Variants in PCDHA3 observed in about 807,000 individuals in gnomAD.
PCDHA3 encodes protocadherin alpha 3.
Under a neutral mutation model 62.2 loss-of-function variants are expected in PCDHA3, and 41 were observed. The observed-to-expected ratio is 0.66, with a 90% CI of 0.51 to 0.86. The LOEUF (loss-of-function observed/expected upper bound fraction) is 0.86, where lower values mean the gene tolerates loss of function less well. Ranked by LOEUF, PCDHA3 falls within the 40% of genes least tolerant of loss-of-function variation. The pLI, the probability that PCDHA3 is intolerant of heterozygous loss-of-function variation, is 0.00. For missense variants in PCDHA3, 1,304 were observed against 1,241.2 expected (o/e 1.05, Z -0.76); for synonymous variants, 640 against 555.4 (o/e 1.15, Z -2.14).
Position 140,842,571 on chromosome 5 carries a change from G to A in PCDHA3, c.2394+38980G>A, listed in dbSNP as rs2150339476. The A allele has an allele frequency of 9.3e-6, 14 of 1,508,304 alleles. No individual in the cohort carries two copies. Among genetic ancestry groups the A allele is most frequent in the Non-Finnish European group, 1.2e-5 (13 of 1,110,420 alleles). The allele number at this position is 1,508,304 out of a possible 1,614,324, so 93.4% of individuals were successfully genotyped here. On this transcript the variant is annotated intron_variant, in intron 1 of 3. Coordinates refer to ENST00000522353, the MANE Select transcript of PCDHA3 (RefSeq NM_018906.3). ...CTGGACAGCGCCCTGGACCGCGAGA[G>A]AGTGTCGGCCTATGAGTTGGTGGTA...
intron 1 of PCDHA3, chr5:140,882,695 G>T: frequency 6.2e-7 from 1 of 1,614,192 alleles, no homozygotes; most frequent in Non-Finnish European, 8.5e-7. Flanking sequence ...AATAATCATT[G>T]CAGAATCTAG....
chr5:140,995,529 C>G (rs1191657600), intron 3 of PCDHA3, among the ~76,000 whole-genome samples: 1 of 152,078 alleles, frequency 6.6e-6, no homozygotes, highest in East Asian at 1.9e-4. Flanking sequence ...GAAATCAAAC[C>G]TCAAATAAGG....
chr5:140,848,597 C>G lies in PCDHA3; in HGVS notation c.2394+45006C>G, dbSNP rs151001396. 6,374 of 1,580,604 alleles carry G rather than the reference C, an allele frequency of 4.0e-3. 857 individuals carry two copies. Among genetic ancestry groups the G allele is most frequent in the South Asian group, 0.012 (1,061 of 88,252 alleles). On this transcript the variant is annotated intron_variant, in intron 1 of 3. Transcript: ENST00000522353. ...TGGGGAGCGGCCAGCTCCACTACTC[C>G]GTCCCGGAGGAAGCCGAACACGGCA...
At chr5:140,854,262 A>G in intron 1 of PCDHA3, 1 of 592,128 alleles carries the variant, frequency 1.7e-6, no homozygotes, top group South Asian at 7.2e-5. Flanking sequence ...TAAAATGTAC[A>G]TTAGTAGAAA....
At chr5:140,937,866 C>T (rs892440956) in intron 1 of PCDHA3, among the ~76,000 whole-genome samples, 4 of 150,734 alleles carry the variant, frequency 2.7e-5, no homozygotes, top group African/African-American at 4.9e-5. Flanking sequence ...GAGCCGAGAT[C>T]GCGCCACTGC....
Position 140,848,783 on chromosome 5 carries a change from C to A in PCDHA3, c.2394+45192C>A, listed in dbSNP as rs2150420389. 1.5e-5 allele frequency: 24 copies of A among 1,593,092 alleles called. 2 individuals carry two copies. The highest frequency in any genetic ancestry group is 2.2e-5 in the East Asian group (1 of 44,812). On this transcript the variant is annotated intron_variant, in intron 1 of 3. Transcript: ENST00000522353. ...CTCGGATCGACCGCGAGGAGCTGTG[C>A]GGGCGGAGCGCGGAGTGCAGCATCC... is the stretch of plus-strand genomic sequence containing the variant.
chr5:140,869,240 G>A (rs1262436049), intron 1 of PCDHA3: 1 of 1,613,514 alleles, frequency 6.2e-7, no homozygotes, highest in African/African-American at 1.3e-5. Context: ...ACCTTCGTGG[G>A]CCGCATCGCG....
chr5:140,828,063 T>C (rs2150150500), intron 1 of PCDHA3: 2 of 1,558,310 alleles, frequency 1.3e-6, no homozygotes, highest in Admixed American at 2.0e-5. Context: ...GAAGATCTTC[T>C]AATGGAAATA....
intron 1 of PCDHA3, among the ~76,000 whole-genome samples, chr5:140,956,665 G>GCTTT (rs1273636843): frequency 1.3e-5 from 2 of 152,004 alleles, no homozygotes; most frequent in Non-Finnish European, 2.9e-5. Flanking sequence ...TGGCCTTAAA[G>GCTTT]GAGTTAGGGA....
chr5:140,953,901 A>G (rs1354951706), intron 1 of PCDHA3, among the ~76,000 whole-genome samples: 1 of 152,156 alleles, frequency 6.6e-6, no homozygotes, highest in Admixed American at 6.5e-5. Flanking sequence ...TATTAAGCCC[A>G]GCATCCATTA....
intron 1 of PCDHA3, chr5:140,926,741 A>G (rs572260372): frequency 1.7e-6 from 2 of 1,192,504 alleles, no homozygotes; most frequent in South Asian, 2.4e-5. Flanking sequence ...GGGAGGCGCA[A>G]CGTCGGCGGT....
At chr5:140,842,970 C>T in intron 1 of PCDHA3, 1 of 1,594,990 alleles carries the variant, frequency 6.3e-7, no homozygotes, top group Non-Finnish European at 8.6e-7. Flanking sequence ...AGCAACGTGA[C>T]GCTGCAGGTG....
intron 1 of PCDHA3, among the ~76,000 whole-genome samples, chr5:140,840,497 T>C (rs2150307403): frequency 3.9e-5 from 6 of 152,088 alleles, no homozygotes; most frequent in African/African-American, 1.2e-4. Context: ...TTCTGGTAAA[T>C]ACTCACTTTT....
chr5:140,834,759 A>G (rs2150225728), intron 1 of PCDHA3: 8 of 1,614,036 alleles, frequency 5.0e-6, no homozygotes, highest in Non-Finnish European at 6.8e-6. Flanking sequence ...GGTGAAGGAC[A>G]TTAACGACAA....
rs35252606 is a variant in PCDHA3, at chr5:140,912,343, ATT to A, written c.2395-66592_2395-66591del. The stretch of plus-strand genomic sequence containing the variant: ...CTCAGTATTAACCAGTACACTAAGT[ATT>A]TTTTTTTTTTTTTGCAGCTGTTGTA... On this transcript the variant is annotated intron_variant, in intron 1 of 3. Transcript: ENST00000522353. 3.7e-3 allele frequency among the ~76,000 whole-genome samples: 528 copies of A among 143,760 alleles called. 4 individuals are homozygous for A. The highest frequency in any genetic ancestry group is 8.3e-3 in the East Asian group (41 of 4,940). 94.3% of individuals were successfully genotyped at this position (143,760 alleles called of 152,430 possible).
chr5:140,812,586 C>A (rs1376268263), intron 1 of PCDHA3: 1 of 151,112 alleles, frequency 6.6e-6, no homozygotes, highest in Non-Finnish European at 1.5e-5. Flanking sequence ...TTTCTTCTTT[C>A]TTCATTTTTA....
rs782673373 is a variant in PCDHA3 at position 140,858,110 on chromosome 5, G to T, written c.2394+54519G>T. The T allele has an allele frequency of 6.9e-6, 11 of 1,597,760 alleles. No homozygotes were observed. The East Asian group carries it at 2.2e-4, about 32-fold the overall frequency. ...GCGGGCTTCAGTGGGCGTGGCGCCC[G>T]AGGTGGCCCTGGTGGATGTCAACGT... On this transcript the variant is annotated intron_variant, in intron 1 of 3. Coordinates refer to ENST00000522353, the MANE Select transcript of PCDHA3 (RefSeq NM_018906.3).
chr5:140,874,953 G>C (rs2055192015), intron 1 of PCDHA3, among the ~76,000 whole-genome samples: 1 of 152,212 alleles, frequency 6.6e-6, no homozygotes, highest in Admixed American at 6.5e-5. Flanking sequence ...GGAATTGTAA[G>C]CTATATAAGG....
intron 3 of PCDHA3, among the ~76,000 whole-genome samples, chr5:140,993,629 T>G (rs1359195159): frequency 5.9e-5 from 9 of 152,160 alleles, no homozygotes; most frequent in Non-Finnish European, 1.0e-4. Flanking sequence ...CTATATATAG[T>G]CGTGTACCAA....
Sources: allele counts gnomAD v4.1 joint callset (sites outside exome capture counted in the v4.1 genomes callset), GRCh38; gene constraint gnomAD v4.1.1; transcripts MANE v1.5; gene names NCBI Gene and HGNC (gene_info 2026-07-23, HGNC 2026-07-21).